The following CLEC16A variants were observed in gnomAD, a reference collection of about 807,000 sequenced individuals.
CLEC16A encodes C-type lectin domain containing 16A.
CLEC16A carries 51 observed loss-of-function variants against 109.5 expected under a neutral mutation model. The ratio of observed to expected loss-of-function variants is 0.47; its 90% CI spans 0.37 to 0.59. CLEC16A has a LOEUF of 0.59. Ranked by LOEUF, CLEC16A falls within the 20% of genes least tolerant of loss-of-function variation. The pLI, the probability that CLEC16A is intolerant of heterozygous loss-of-function variation, is 0.00. For synonymous variants in CLEC16A, 673 were observed against 564.2 expected, an observed-to-expected ratio of 1.19 and a Z score of -2.73; for missense variants, 1,339 against 1,394.0, an observed-to-expected ratio of 0.96 and a Z score of 0.63.
intron 23 of CLEC16A, among the ~76,000 whole-genome samples, chr16:11,172,846 G>A (rs1024662347): frequency 6.6e-6 from 1 of 152,192 alleles, no homozygotes; most frequent in Non-Finnish European, 1.5e-5. Context: ...CCGAGATCAT[G>A]CCACTGTACT....
At chr16:11,015,132 C>G (rs1022477514) in intron 11 of CLEC16A, among the ~76,000 whole-genome samples, 3 of 152,188 alleles carry the variant, frequency 2.0e-5, no homozygotes, top group East Asian at 1.9e-4. Context: ...GAGCAAGAAA[C>G]CTTTCCTTGA....
intron 11 of CLEC16A, among the ~76,000 whole-genome samples, chr16:11,017,892 C>G (rs1374301186): frequency 1.3e-5 from 2 of 150,144 alleles, no homozygotes; most frequent in South Asian, 2.1e-4. Flanking sequence ...AATGAGGACT[C>G]AATGTAAAAG....
intron 22 of CLEC16A, among the ~76,000 whole-genome samples, chr16:11,128,316 C>T (rs1233194661): frequency 6.6e-6 from 1 of 152,242 alleles, no homozygotes; most frequent in East Asian, 1.9e-4. Flanking sequence ...CCTGGCCTTC[C>T]ACCGGTGGGT....
chr16:11,085,399 G>C (rs148988556), intron 19 of CLEC16A, among the ~76,000 whole-genome samples: 2 of 152,276 alleles, frequency 1.3e-5, no homozygotes, highest in Non-Finnish European at 2.9e-5. Flanking sequence ...TGCTGGGGCA[G>C]CACGCTGGCA....
chr16:11,136,871 C>G (rs2053591418), intron 22 of CLEC16A, among the ~76,000 whole-genome samples: 1 of 152,232 alleles, frequency 6.6e-6, no homozygotes, highest in African/African-American at 2.4e-5. Flanking sequence ...CCCCCGGAGC[C>G]TCACAACAGC....
At chr16:10,985,084 T>C (rs933531737) in intron 10 of CLEC16A, among the ~76,000 whole-genome samples, 4 of 151,386 alleles carry the variant, frequency 2.6e-5, no homozygotes, top group African/African-American at 7.3e-5. Context: ...GCGCCTGCAG[T>C]CTCAGCTACT....
chr16:11,108,039 C>T (rs1242274789), intron 19 of CLEC16A, among the ~76,000 whole-genome samples: 1 of 152,234 alleles, frequency 6.6e-6, no homozygotes, highest in African/African-American at 2.4e-5. Context: ...CTGATTTTCC[C>T]TCAAGTCACC....
intron 10 of CLEC16A, among the ~76,000 whole-genome samples, chr16:10,995,810 G>A (rs895733620): frequency 6.6e-6 from 1 of 152,144 alleles, no homozygotes; most frequent in Non-Finnish European, 1.5e-5. Flanking sequence ...AGTCACCATG[G>A]CCTGTCTCCT....
intron 19 of CLEC16A, among the ~76,000 whole-genome samples, chr16:11,098,291 G>A (rs74392642): frequency 0.01 from 1,571 of 152,350 alleles, 12 homozygotes; most frequent in Non-Finnish European, 0.017. Flanking sequence ...TCCAAGGAAC[G>A]GCCATGTGAG....
intron 1 of CLEC16A, among the ~76,000 whole-genome samples, chr16:10,949,502 G>A (rs1360093463): frequency 6.6e-6 from 1 of 152,076 alleles, no homozygotes; most frequent in Non-Finnish European, 1.5e-5. Context: ...GCCTAGTGGG[G>A]CAAGGGGAGC....
intron 22 of CLEC16A, among the ~76,000 whole-genome samples, chr16:11,160,562 A>T (rs1485629883): frequency 6.6e-6 from 1 of 152,156 alleles, no homozygotes; most frequent in African/African-American, 2.4e-5. Flanking sequence ...CCCAGCAGGT[A>T]CAGGGCAGCT....
chr16:11,117,683 C>G (rs2052099590), intron 19 of CLEC16A, among the ~76,000 whole-genome samples: 1 of 152,184 alleles, frequency 6.6e-6, no homozygotes, highest in African/African-American at 2.4e-5. Context: ...CTCCTACCCC[C>G]AATTCTCACT....
intron 19 of CLEC16A, among the ~76,000 whole-genome samples, chr16:11,087,598 G>T (rs2050080186): frequency 6.6e-6 from 1 of 152,224 alleles, no homozygotes; most frequent in South Asian, 2.1e-4. Context: ...GTAAAAGTGG[G>T]ATTCAACCCC....
intron 19 of CLEC16A, among the ~76,000 whole-genome samples, chr16:11,118,715 A>G (rs1284779439): frequency 6.6e-6 from 1 of 152,108 alleles, no homozygotes; most frequent in Non-Finnish European, 1.5e-5. Context: ...CTTTGCATAG[A>G]CCAATGTCCA....
intron 11 of CLEC16A, among the ~76,000 whole-genome samples, chr16:11,005,454 G>C (rs2152758963): frequency 6.6e-6 from 1 of 152,302 alleles, no homozygotes; most frequent in Non-Finnish European, 1.5e-5. Flanking sequence ...TGGTGCTTCA[G>C]GGCTCAGTCA....
At chr16:11,048,754 C>T (rs765567168) in intron 17 of CLEC16A, among the ~76,000 whole-genome samples, 2 of 152,176 alleles carry the variant, frequency 1.3e-5, no homozygotes, top group Non-Finnish European at 2.9e-5. Flanking sequence ...CCAGCCCCTT[C>T]GAGAGAGGCT....
chr16:11,052,253 C>A (rs746164599), intron 18 of CLEC16A, among the ~76,000 whole-genome samples: 1 of 152,146 alleles, frequency 6.6e-6, no homozygotes, highest in Non-Finnish European at 1.5e-5. Context: ...ATCAGAGTTT[C>A]TTTCTTAGAA....
chr16:11,018,919 G>A (rs1237693819), intron 11 of CLEC16A, among the ~76,000 whole-genome samples: 1 of 152,130 alleles, frequency 6.6e-6, no homozygotes, highest in African/African-American at 2.4e-5. Context: ...TGATGAGTAG[G>A]CACTGGGAGT....
chr16:11,140,858 A>G (rs768004297), intron 22 of CLEC16A, among the ~76,000 whole-genome samples: 4 of 152,174 alleles, frequency 2.6e-5, no homozygotes, highest in Non-Finnish European at 4.4e-5. Flanking sequence ...CTAGACAACT[A>G]TGTGATGTCA....
Sources: allele counts gnomAD v4.1 joint callset (sites outside exome capture counted in the v4.1 genomes callset), GRCh38; gene constraint gnomAD v4.1.1; transcripts MANE v1.5; gene names NCBI Gene and HGNC (gene_info 2026-07-23, HGNC 2026-07-21).